RAB22A: variants seen among roughly 807,000 people sequenced by gnomAD.
RAB22A encodes the protein RAB22A, member RAS oncogene family, also known as ras-related protein Rab-22A.
RAB22A carries 13 observed loss-of-function variants against 30.2 expected under a neutral mutation model. The observed-to-expected ratio is 0.43, with a 90% CI of 0.28 to 0.68. RAB22A has a LOEUF of 0.68. Ranked by LOEUF, RAB22A falls within the 30% of genes least tolerant of loss-of-function variation. The probability of loss-of-function intolerance (pLI) is 0.18; values close to 1 mark genes in which losing one functional copy is unlikely to be tolerated. For missense variants in RAB22A, 177 were observed against 246.8 expected (o/e 0.72, Z 1.89); for synonymous variants, 89 against 87.2 (o/e 1.02, Z -0.11).
At chr20:58,347,529 G>A (rs997305692) in intron 3 of RAB22A, among the ~76,000 whole-genome samples, 5 of 152,178 alleles carry the variant, frequency 3.3e-5, no homozygotes, top group Non-Finnish European at 7.4e-5. Flanking sequence ...AGTCAAACAT[G>A]AAATGAAGGA....
intron 3 of RAB22A, among the ~76,000 whole-genome samples, chr20:58,352,355 TAAC>T (rs1452817423): frequency 6.6e-6 from 1 of 152,222 alleles, no homozygotes; most frequent in Non-Finnish European, 1.5e-5. Context: ...AAACCACCAT[TAAC>T]AACAGGATGT....
At chr20:58,320,316 A>C (rs2122929606) in intron 2 of RAB22A, among the ~76,000 whole-genome samples, 1 of 152,308 alleles carries the variant, frequency 6.6e-6, no homozygotes, top group Non-Finnish European at 1.5e-5. Context: ...TTCTTGAGTA[A>C]GTTGGTAGTT....
chr20:58,350,972 C>T (rs1356855621), intron 3 of RAB22A, among the ~76,000 whole-genome samples: 2 of 152,202 alleles, frequency 1.3e-5, no homozygotes, highest in East Asian at 3.9e-4. Flanking sequence ...GGTAGGATAA[C>T]AAGAAATTAG....
chr20:58,310,151 C>G (rs1986192771), intron 1 of RAB22A, 139 bp downstream of exon 1: 29 of 898,680 alleles, frequency 3.2e-5, no homozygotes, highest in Non-Finnish European at 4.1e-5. Context: ...CTCCCTCCAG[C>G]TCGGGAGCCG....
chr20:58,323,545 T>G (rs935651197), intron 2 of RAB22A, among the ~76,000 whole-genome samples: 2 of 152,076 alleles, frequency 1.3e-5, no homozygotes, highest in Non-Finnish European at 2.9e-5. Flanking sequence ...AGGGGGTAGC[T>G]TCTACCATCA....
intron 2 of RAB22A, among the ~76,000 whole-genome samples, chr20:58,314,295 C>T (rs768459651): frequency 1.3e-5 from 2 of 152,094 alleles, no homozygotes; most frequent in Non-Finnish European, 2.9e-5. Flanking sequence ...AAACACCTGA[C>T]CTCAGGTAAT....
chr20:58,315,703 C>T (rs995415803), intron 2 of RAB22A, among the ~76,000 whole-genome samples: 1 of 151,878 alleles, frequency 6.6e-6, no homozygotes, highest in African/African-American at 2.4e-5. Flanking sequence ...ACCCCACCCC[C>T]AGCCCAATCC....
chr20:58,344,296 C>T (rs915267223), intron 3 of RAB22A, among the ~76,000 whole-genome samples: 1 of 152,200 alleles, frequency 6.6e-6, no homozygotes, highest in African/African-American at 2.4e-5. Context: ...AAATTGGCCA[C>T]AATGGTTATC....
chr20:58,310,221 C>A (rs1485428015), intron 1 of RAB22A, among the ~76,000 whole-genome samples: 7 of 152,148 alleles, frequency 4.6e-5, no homozygotes, highest in Non-Finnish European at 7.4e-5. Context: ...CCTTCCCCTT[C>A]CCCTCCCTGG....
intron 6 of RAB22A, among the ~76,000 whole-genome samples, chr20:58,357,819 A>G (rs765464826): frequency 6.6e-6 from 1 of 152,216 alleles, no homozygotes; most frequent in Non-Finnish European, 1.5e-5. Context: ...ATCCGCAGAC[A>G]ACTCAAAGTG....
At chr20:58,333,094 A>G (rs958794052) in intron 2 of RAB22A, among the ~76,000 whole-genome samples, 2 of 151,994 alleles carry the variant, frequency 1.3e-5, no homozygotes, top group Non-Finnish European at 2.9e-5. Flanking sequence ...AGCCTGGCCA[A>G]TATGGTAAAA....
At position 58,343,759 on chromosome 20, in the gene RAB22A, T is replaced by C. The variant is rs1381755981; in HGVS notation, c.158T>C (p.Leu53Pro). Reference protein sequence around the residue: ...MTKTVQYQNELHKFLIWDTAG... With the variant: ...MTKTVQYQNEPHKFLIWDTAG... ...AAGACTGTCCAGTACCAAAATGAGCTACATAAATTCCTAATCTGGGATACA... is the reference window on the plus strand; with the variant it reads ...AAGACTGTCCAGTACCAAAATGAGCCACATAAATTCCTAATCTGGGATACA... The change falls in exon 3 of 7, where the codon CTA becomes CCA. Residue 53 changes from leucine to proline, a missense_variant. Coordinates refer to ENST00000244040, the MANE Select transcript of RAB22A (RefSeq NM_020673.3). 6.2e-7 allele frequency: 1 copy of C among 1,611,818 alleles called. No homozygotes were observed. Among genetic ancestry groups the C allele is most frequent in the Non-Finnish European group, 8.5e-7 (1 of 1,177,878 alleles).
chr20:58,322,789 T>C (rs544503822), intron 2 of RAB22A, among the ~76,000 whole-genome samples: 2 of 151,404 alleles, frequency 1.3e-5, no homozygotes, highest in South Asian at 4.2e-4. Context: ...AACACACTTA[T>C]TTTTTTTGCA....
At chr20:58,354,340 C>A (rs1987100741) in intron 6 of RAB22A, 75 bp downstream of exon 6, 1 of 1,040,830 alleles carries the variant, frequency 9.6e-7, no homozygotes. Context: ...GGTTAGAATT[C>A]CTGTCTTACT....
intron 3 of RAB22A, 29 bp from the exon 4 acceptor site, chr20:58,353,244 T>C: frequency 6.3e-7 from 1 of 1,595,026 alleles, no homozygotes; most frequent in African/African-American, 1.3e-5. Flanking sequence ...GTTTTCCCAA[T>C]TTTGTTTATT....
intron 2 of RAB22A, among the ~76,000 whole-genome samples, chr20:58,325,589 T>C (rs922181136): frequency 3.3e-5 from 5 of 152,288 alleles, no homozygotes; most frequent in Non-Finnish European, 7.3e-5. Context: ...ATTTTGATTT[T>C]ATCTTTGATC....
intron 2 of RAB22A, among the ~76,000 whole-genome samples, chr20:58,334,731 CTTT>C (rs11475299): frequency 1.1e-4 from 15 of 134,452 alleles, no homozygotes; most frequent in African/African-American, 2.4e-4. Flanking sequence ...CAACTTTGTA[CTTT>C]TTTTTTTTTT....
chr20:58,351,205 C>T (rs1987042815), intron 3 of RAB22A, among the ~76,000 whole-genome samples: 1 of 152,004 alleles, frequency 6.6e-6, no homozygotes, highest in Non-Finnish European at 1.5e-5. Context: ...GGCATGGTGG[C>T]ACTTACTGTA....
chr20:58,339,098 T>C (rs895416620), intron 2 of RAB22A, among the ~76,000 whole-genome samples: 2 of 152,188 alleles, frequency 1.3e-5, no homozygotes, highest in Admixed American at 6.5e-5. Context: ...ATGTTTAAAA[T>C]ACCTTGCAAC....
Sources: allele counts gnomAD v4.1 joint callset (sites outside exome capture counted in the v4.1 genomes callset), GRCh38; gene constraint gnomAD v4.1.1; transcripts MANE v1.5; gene names NCBI Gene and HGNC (gene_info 2026-07-23, HGNC 2026-07-21).